Variants in B3GNT6 observed in about 807,000 individuals in gnomAD.
The protein encoded by B3GNT6 is acetylgalactosaminyl-O-glycosyl-glycoprotein beta-1,3-N-acetylglucosaminyltransferase.
For synonymous variants in B3GNT6, 300 were observed against 270.0 expected, an observed-to-expected ratio of 1.11 and a Z score of -1.09; for missense variants, 624 against 568.6, an observed-to-expected ratio of 1.10 and a Z score of -0.99.
rs34049682 is a variant in B3GNT6 at position 77,041,956 on chromosome 11, C to CA, written c.*1267dup. ...TGGGCGACAGAGCAAGACTGCATCT[C>CA]AAAAAAAAAAAAAAAAAGGAGAGTT... On this transcript the variant is annotated 3_prime_UTR_variant, in exon 2 of 2. Coordinates refer to ENST00000622824, the MANE Select transcript of B3GNT6 (RefSeq NM_138706.5). 25,345 of 98,358 alleles carry CA rather than the reference C, an allele frequency of 0.26. 3,600 individuals are homozygous for CA. The highest frequency in any genetic ancestry group is 0.42 in the African/African-American group (12,107 of 28,806). The allele number at this position is 98,358 out of a possible 1,614,324, so 6.1% of individuals were successfully genotyped here. A position where few individuals can be genotyped will look rare whatever the true frequency, so the allele number is the denominator to read the frequency against.
chr11:77,038,669 C>G (rs782190336), intron 1 of B3GNT6, among the ~76,000 whole-genome samples: 1 of 152,018 alleles, frequency 6.6e-6, no homozygotes, highest in Non-Finnish European at 1.5e-5. Flanking sequence ...TTGTTCTGAC[C>G]TGGGATTCGT....
At position 77,040,161 on chromosome 11, in the gene B3GNT6, T is replaced by A; in HGVS notation, c.610T>A (p.Leu204Met). 1.3e-6 allele frequency: 2 copies of A among 1,599,440 alleles called. No individual in the cohort carries two copies. The highest frequency in any genetic ancestry group is 1.7e-6 in the Non-Finnish European group (2 of 1,179,440). The part of the protein sequence containing the change: ...FLNLTLKHLH[L>M]LDWLAARCPH... ...CAACCTCACGCTCAAGCACCTGCAC[T>A]TGCTCGACTGGCTGGCTGCACGCTG... Residue 204 changes from leucine to methionine, a missense_variant, in exon 2 of 2, where the codon TTG (leucine) becomes ATG (methionine). Transcript: ENST00000622824.
In B3GNT6 at chr11:77,039,686, G is replaced by T. The variant is rs371254653; in HGVS notation, c.135G>T (p.Glu45Asp). 2.4e-5 allele frequency: 38 copies of T among 1,612,012 alleles called. No homozygotes were observed. The African/African-American group carries it at 4.9e-4, about 21-fold the overall frequency. ...CGCGGGAGGAGAGGTCCCCGCAGGA[G>T]GAGACGCCAGAGGGTCCCACCGACG... Reference protein sequence around the residue: ...RSPREERSPQEETPEGPTDAP... With the variant: ...RSPREERSPQDETPEGPTDAP... Residue 45 changes from glutamate (E) to aspartate (D), a missense_variant, in exon 2 of 2, where the codon GAG becomes GAT. Coordinates refer to ENST00000622824, the MANE Select transcript of B3GNT6 (RefSeq NM_138706.5).
At position 77,039,689 on chromosome 11, in the gene B3GNT6, G is replaced by A; in HGVS notation, c.138G>A (p.Glu46=). ...SPREERSPQE[E]TPEGPTDAPA... ...GGGAGGAGAGGTCCCCGCAGGAGGA[G>A]ACGCCAGAGGGTCCCACCGACGCTC... Residue 46 remains glutamate, a synonymous_variant, in exon 2 of 2, where the codon GAG becomes GAA. Transcript: ENST00000622824. The A allele has an allele frequency of 6.2e-7, 1 of 1,611,614 alleles. No individual in the cohort carries two copies. The highest frequency in any genetic ancestry group is 8.5e-7 in the Non-Finnish European group (1 of 1,179,420).
rs782106072 is a variant in B3GNT6 at position 77,040,178 on chromosome 11, T to TGCACGCTGCCC, written c.634_644dup (p.Arg216AlafsTer21). The TGCACGCTGCCC allele has an allele frequency of 3.4e-5, 55 of 1,599,260 alleles. No individual in the cohort carries two copies. The highest frequency in any genetic ancestry group is 4.6e-5 in the Non-Finnish European group (54 of 1,179,456). ...ACCTGCACTTGCTCGACTGGCTGGC[T>TGCACGCTGCCC]GCACGCTGCCCGCACGCGCGCTTTC... On this transcript the variant is annotated frameshift_variant, in exon 2 of 2. Transcript: ENST00000622824. LOFTEE classifies it low-confidence loss of function (END_TRUNC).
Position 77,041,110 on chromosome 11 carries a change from C to A in B3GNT6, c.*404C>A. 1 of 192,944 alleles carries A rather than the reference C, an allele frequency of 5.2e-6. No individual in the cohort carries two copies. 12.0% of individuals were successfully genotyped at this position (192,944 alleles called of 1,614,324 possible). ...CAAGGGAGACCTGGGAGCGTGGGAG[C>A]CAGGATCAGCGCCCCCTGCCATGTG... On this transcript the variant is annotated 3_prime_UTR_variant, in exon 2 of 2. Transcript: ENST00000622824.
rs1555027625 is a variant in B3GNT6, at chr11:77,040,167, G to C, written c.616G>C (p.Asp206His). ...CACGCTCAAGCACCTGCACTTGCTC[G>C]ACTGGCTGGCTGCACGCTGCCCGCA... ...NLTLKHLHLL[D>H]WLAARCPHAR... Residue 206 changes from aspartate to histidine, a missense_variant, in exon 2 of 2, where the codon GAC (aspartate) becomes CAC (histidine). Physicochemically the swap from Asp to His is moderately conservative, Grantham distance 81. Transcript: ENST00000622824. 1 of 1,599,416 alleles carries C rather than the reference G, an allele frequency of 6.3e-7. No individual in the cohort carries two copies. The highest frequency in any genetic ancestry group is 8.5e-7 in the Non-Finnish European group (1 of 1,179,454).
In B3GNT6 at chr11:77,040,906, G is replaced by A; in HGVS notation, c.*200G>A. On this transcript the variant is annotated 3_prime_UTR_variant, in exon 2 of 2. Transcript: ENST00000622824. ...CCGAAGTTTCGATTTGATTAGTCTG[G>A]GGTGGACCCAGACATGTTAAGTATT... 2 of 846,584 alleles carry A rather than the reference G, an allele frequency of 2.4e-6. No homozygotes were observed. Among genetic ancestry groups the A allele is most frequent in the Non-Finnish European group, 1.7e-6 (1 of 594,594 alleles). The allele number at this position is 846,584 out of a possible 1,614,324, so 52.4% of individuals were successfully genotyped here.
rs370650192 is a variant in B3GNT6, at chr11:77,039,664, G to A, written c.113G>A (p.Arg38Gln). The A allele has an allele frequency of 1.4e-4, 218 of 1,612,958 alleles. 1 individual carries two copies. In the African/African-American group the frequency reaches 2.5e-3, roughly 19 times the overall value. ...QWFLQAPRSP[R>Q]EERSPQEETP... is the part of the protein sequence containing the mutation. ...TTCCTCCAGGCGCCAAGGTCCCCGC[G>A]GGAGGAGAGGTCCCCGCAGGAGGAG... Residue 38 changes from arginine (R) to glutamine (Q), a missense_variant, in exon 2 of 2, where the codon CGG becomes CAG. Transcript: ENST00000622824.
At position 77,040,362 on chromosome 11, in the gene B3GNT6, TTCCCCGGG is replaced by T; in HGVS notation, c.815_822del (p.Pro272ArgfsTer104). 1 of 1,539,534 alleles carries T rather than the reference TTCCCCGGG, an allele frequency of 6.5e-7. No individual in the cohort carries two copies. Among genetic ancestry groups the T allele is most frequent in the Non-Finnish European group, 8.7e-7 (1 of 1,148,782 alleles). On this transcript the variant is annotated frameshift_variant, in exon 2 of 2. Coordinates refer to ENST00000622824, the MANE Select transcript of B3GNT6 (RefSeq NM_138706.5). LOFTEE classifies it low-confidence loss of function (END_TRUNC). ...CAAGTACTTCGTGCCGCCGCAGCTC[TTCCCCGGG>T]TCCGCTTACCCGGTGTACTGCAGCG...
At position 77,039,591 on chromosome 11, in the gene B3GNT6, C is replaced by T. The variant is rs199954107; in HGVS notation, c.40C>T (p.Leu14=). The change falls in exon 2 of 2, where the codon CTG becomes TTG. Residue 14 remains leucine (L), a synonymous_variant. Transcript: ENST00000622824. ...PCRRSLTAKT[L]ACLLVGVSFL... is the part of the protein sequence containing the mutation. ...CCGCAGGTCCCTGACTGCCAAGACTCTGGCCTGCCTCCTGGTGGGCGTGAG... is the reference window on the plus strand; with the variant it reads ...CCGCAGGTCCCTGACTGCCAAGACTTTGGCCTGCCTCCTGGTGGGCGTGAG... 6.6e-4 allele frequency: 1,055 copies of T among 1,606,412 alleles called. 10 individuals are homozygous for T. In the South Asian group the frequency reaches 0.011, roughly 17 times the overall value.
chr11:77,036,217 T>C (rs1335792541), intron 1 of B3GNT6, among the ~76,000 whole-genome samples: 3 of 152,182 alleles, frequency 2.0e-5, no homozygotes, highest in Non-Finnish European at 4.4e-5. Context: ...GAGTAGACAG[T>C]TGACGGTAAA....
At chr11:77,036,784 C>A (rs911911486) in intron 1 of B3GNT6, among the ~76,000 whole-genome samples, 2 of 152,218 alleles carry the variant, frequency 1.3e-5, no homozygotes, top group African/African-American at 2.4e-5. Flanking sequence ...TAACCTCCCA[C>A]CCTATGCAGG....
At chr11:77,034,615 T>C (rs1217615875) in intron 1 of B3GNT6, 137 bp downstream of exon 1, 2 of 152,548 alleles carry the variant, frequency 1.3e-5, no homozygotes, top group African/African-American at 4.8e-5. Context: ...ATTGCCCCTA[T>C]TGCACAGGTC....
chr11:77,040,383 G>T lies in B3GNT6; in HGVS notation c.832G>T (p.Val278Leu), dbSNP rs782044756. ...GCTCTTCCCCGGGTCCGCTTACCCG[G>T]TGTACTGCAGCGGCGGCGGCTTCCT... is the stretch of plus-strand genomic sequence containing the variant. ...PQLFPGSAYP[V>L]YCSGGGFLLS... Residue 278 changes from valine (V) to leucine (L), a missense_variant, in exon 2 of 2, where the codon GTG (valine) becomes TTG (leucine). Coordinates refer to ENST00000622824, the MANE Select transcript of B3GNT6 (RefSeq NM_138706.5). 2.6e-6 allele frequency: 4 copies of T among 1,534,794 alleles called. No homozygotes were observed. Among genetic ancestry groups the T allele is most frequent in the Non-Finnish European group, 3.5e-6 (4 of 1,146,246 alleles).
rs782522041 is a variant in B3GNT6 at position 77,040,037 on chromosome 11, C to G, written c.486C>G (p.Pro162=). The change falls in exon 2 of 2, where the codon CCC becomes CCG. Residue 162 remains proline (P), a synonymous_variant. Coordinates refer to ENST00000622824, the MANE Select transcript of B3GNT6 (RefSeq NM_138706.5). ...TCTTTCTATTGGGCACCCCGGGCCC[C>G]GAGGACGAGGCGCGCGCGGAGCGGC... ...RRLFLLGTPG[P]EDEARAERLA... 2.5e-6 allele frequency: 4 copies of G among 1,580,468 alleles called. No homozygotes were observed. Among genetic ancestry groups the G allele is most frequent in the East Asian group, 2.3e-5 (1 of 43,754 alleles).
At chr11:77,038,151 G>A (rs1358594265) in intron 1 of B3GNT6, among the ~76,000 whole-genome samples, 2 of 118,838 alleles carry the variant, frequency 1.7e-5, no homozygotes, top group Non-Finnish European at 3.6e-5. Flanking sequence ...AGGAGGGGAG[G>A]GGGAGGGGGA....
rs782326955 is a variant in B3GNT6 at position 77,039,925 on chromosome 11, C to T, written c.374C>T (p.Ser125Leu). ...GTGTTCCTGCTCCTGGCGGTGAAGT[C>T]GGCGCCTGAGCACTACGAGCGACGC... ...RGVFLLLAVK[S>L]APEHYERREL... Residue 125 changes from serine to leucine, a missense_variant, in exon 2 of 2, where the codon TCG becomes TTG. By Grantham distance (145) the Ser-to-Leu change is moderately radical. Coordinates refer to ENST00000622824, the MANE Select transcript of B3GNT6 (RefSeq NM_138706.5). The T allele has an allele frequency of 2.5e-5, 40 of 1,592,614 alleles. No homozygotes were observed. The highest frequency in any genetic ancestry group is 3.1e-5 in the Non-Finnish European group (37 of 1,176,952).
rs781938785 is a variant in B3GNT6 at position 77,040,274 on chromosome 11, C to G, written c.723C>G (p.Pro241=). ...TCCGCTTCCTGCAGGCGCAGCCACC[C>G]GGCCGCCACCTGTTCTCCGGCCAGC... ...NVVRFLQAQP[P]GRHLFSGQLM... is the part of the protein sequence containing the mutation. Residue 241 remains proline (P), a synonymous_variant, in exon 2 of 2, where the codon CCC becomes CCG. Transcript: ENST00000622824. 1.9e-6 allele frequency: 3 copies of G among 1,595,506 alleles called. No homozygotes were observed. The highest frequency in any genetic ancestry group is 2.2e-5 in the South Asian group (2 of 90,354).
Sources: gnomAD v4.1 joint callset for allele counts (sites outside exome capture counted in the v4.1 genomes callset) on GRCh38, gnomAD v4.1.1 for gene constraint, MANE v1.5 for transcripts, NCBI Gene and HGNC (gene_info 2026-07-23, HGNC 2026-07-21) for gene names.